Variants in KHDRBS2 observed in about 807,000 individuals in gnomAD.
KHDRBS2 encodes KH domain-containing, RNA-binding, signal transduction-associated protein 2.
KHDRBS2 carries 26 observed loss-of-function variants against 44.3 expected under a neutral mutation model. The observed-to-expected ratio is 0.59, with a 90% confidence interval of 0.43 to 0.81. The LOEUF is 0.81. KHDRBS2 is among the 40% of genes least tolerant of loss of function. KHDRBS2 has a pLI of 0.00. For missense variants in KHDRBS2, 476 were observed against 433.1 expected (o/e 1.10, Z -0.88); for synonymous variants, 194 against 151.1 (o/e 1.28, Z -2.08).
the KHDRBS2 span, among the ~76,000 whole-genome samples, chr6:61,550,317 G>A: frequency 6.6e-6 from 1 of 152,076 alleles, no homozygotes; most frequent in Non-Finnish European, 1.5e-5. Context: ...CTGTTCCTGT[G>A]TTCACTTAGG....
At chr6:62,179,660 T>A (rs890240279) in intron 1 of KHDRBS2, among the ~76,000 whole-genome samples, 2 of 151,786 alleles carry the variant, frequency 1.3e-5, no homozygotes, top group African/African-American at 4.8e-5. Context: ...TTCTCCCTTG[T>A]TACTTTTTCA....
At chr6:61,597,773 T>TATATATATATATATATACATATACAC in the KHDRBS2 span, among the ~76,000 whole-genome samples, 1 of 42,330 alleles carries the variant, frequency 2.4e-5, no homozygotes, top group Non-Finnish European at 4.8e-5. Flanking sequence ...TATATATATA[T>TATATATATATATATATACATATACAC]ACACCAAGAT....
intron 7 of KHDRBS2, among the ~76,000 whole-genome samples, chr6:61,713,556 A>G (rs1770875287): frequency 6.7e-6 from 1 of 149,500 alleles, no homozygotes; most frequent in Non-Finnish European, 1.5e-5. Flanking sequence ...GTACAATTTG[A>G]AGTCAGGTGA....
At chr6:61,705,347 C>G (rs1279461911) in intron 7 of KHDRBS2, among the ~76,000 whole-genome samples, 1 of 151,716 alleles carries the variant, frequency 6.6e-6, no homozygotes, top group Middle Eastern at 3.2e-3. Flanking sequence ...TACTTCTTCT[C>G]CCCTCCAAGA....
downstream of KHDRBS2, among the ~76,000 whole-genome samples, chr6:61,676,928 T>C (rs1765979217): frequency 6.6e-6 from 1 of 151,914 alleles, no homozygotes. Context: ...AAGTCTTTTA[T>C]ATCTACTGTT....
intron 6 of KHDRBS2, among the ~76,000 whole-genome samples, chr6:61,775,720 A>T (rs1249530695): frequency 2.0e-5 from 3 of 152,332 alleles, no homozygotes; most frequent in Admixed American, 1.3e-4. Context: ...ATACTGCCCA[A>T]GGTAATTTAC....
At chr6:62,219,789 T>A (rs1830581004) in intron 1 of KHDRBS2, among the ~76,000 whole-genome samples, 1 of 148,282 alleles carries the variant, frequency 6.7e-6, no homozygotes, top group Non-Finnish European at 1.5e-5. Flanking sequence ...TATATATTTT[T>A]ATTTACTATA....
At chr6:61,560,839 A>G in the KHDRBS2 span, among the ~76,000 whole-genome samples, 2 of 152,148 alleles carry the variant, frequency 1.3e-5, no homozygotes, top group Non-Finnish European at 2.9e-5. Context: ...TCATTTGCTG[A>G]GAACATGTTT....
At chr6:61,764,207 C>T (rs757482396) in intron 6 of KHDRBS2, among the ~76,000 whole-genome samples, 6 of 152,074 alleles carry the variant, frequency 3.9e-5, no homozygotes. Flanking sequence ...GTATATGTAC[C>T]ATGTTTTCTT....
intron 4 of KHDRBS2, among the ~76,000 whole-genome samples, chr6:61,948,257 C>G (rs1370168335): frequency 6.6e-6 from 1 of 151,946 alleles, no homozygotes; most frequent in African/African-American, 2.4e-5. Flanking sequence ...AAGTAAGTGG[C>G]TTTTTAGTCT....
At chr6:61,632,860 C>T in the KHDRBS2 span, among the ~76,000 whole-genome samples, 3 of 152,086 alleles carry the variant, frequency 2.0e-5, no homozygotes, top group Non-Finnish European at 1.5e-5. Flanking sequence ...TGTGCAATTA[C>T]ACAAATATAA....
In KHDRBS2 at chr6:62,045,444, T is replaced by C. The variant is rs187955929; in HGVS notation, c.336+2434A>G. ...ACTTGATCACTGTATCAAAATTTGC[T>C]CCCAACACCACTAACCTCTTTTCCC... is the stretch of plus-strand genomic sequence containing the variant. On this transcript the variant is annotated intron_variant, in intron 3 of 8. Transcript: ENST00000281156. 3.3e-3 allele frequency among the ~76,000 whole-genome samples: 498 copies of C among 152,090 alleles called. 3 individuals carry two copies. The highest frequency in any genetic ancestry group is 4.9e-3 in the Non-Finnish European group (335 of 67,962).
the KHDRBS2 span, among the ~76,000 whole-genome samples, chr6:61,660,871 A>G: frequency 6.6e-6 from 1 of 151,976 alleles, no homozygotes; most frequent in South Asian, 2.1e-4. Flanking sequence ...GGTGGATGAC[A>G]TTTCTTCTCC....
the KHDRBS2 span, among the ~76,000 whole-genome samples, chr6:61,591,436 T>A: frequency 6.6e-6 from 1 of 152,050 alleles, no homozygotes; most frequent in Non-Finnish European, 1.5e-5. Flanking sequence ...AGTAAAACAA[T>A]AGGAAAACAA....
intron 3 of KHDRBS2, among the ~76,000 whole-genome samples, chr6:62,017,813 C>A (rs1405792140): frequency 1.3e-5 from 2 of 152,058 alleles, no homozygotes; most frequent in Non-Finnish European, 2.9e-5. Context: ...AAATAGCACA[C>A]ACATCCCAAG....
chr6:62,154,213 T>A lies in KHDRBS2; in HGVS notation c.219+22972A>T, dbSNP rs553957530. On this transcript the variant is annotated intron_variant, in intron 2 of 8. Transcript: ENST00000281156. ...AGGAAAGGTGGGCATAGCAGTGAAATAACATGACCAGGCTCCAGGGACACA... is the reference window on the plus strand; with the variant it reads ...AGGAAAGGTGGGCATAGCAGTGAAAAAACATGACCAGGCTCCAGGGACACA... Among the ~76,000 whole-genome samples the A allele has an allele frequency of 5.9e-5, 9 of 152,192 alleles. No homozygotes were observed. In the East Asian group the frequency reaches 1.7e-3, roughly 29 times the overall value.
chr6:61,693,638 T>G (rs1582195198), intron 8 of KHDRBS2, among the ~76,000 whole-genome samples: 1 of 152,196 alleles, frequency 6.6e-6, no homozygotes, highest in Non-Finnish European at 1.5e-5. Flanking sequence ...ACATTTTCCT[T>G]ATTACTTTAT....
chr6:61,701,705 A>C (rs1477242050), intron 7 of KHDRBS2, among the ~76,000 whole-genome samples: 1 of 151,930 alleles, frequency 6.6e-6, no homozygotes, highest in East Asian at 1.9e-4. Context: ...AAACAAAACA[A>C]AACAAAACAT....
In KHDRBS2 at chr6:62,103,443, C is replaced by T. The variant is rs75158743; in HGVS notation, c.220-55449G>A. Among the ~76,000 whole-genome samples, 582 of 152,326 alleles carry T rather than the reference C, an allele frequency of 3.8e-3. 2 individuals are homozygous for T. Among genetic ancestry groups the T allele is most frequent in the African/African-American group, 0.014 (564 of 41,578 alleles). The stretch of plus-strand genomic sequence containing the variant: ...TGGCTGGGCTGCCACAGTGCCTGGG[C>T]TTGGTCACAATGTTGTTCTGCATGG... On this transcript the variant is annotated intron_variant, in intron 2 of 8. Transcript: ENST00000281156.
Sources: allele counts gnomAD v4.1 joint callset (sites outside exome capture counted in the v4.1 genomes callset), GRCh38; gene constraint gnomAD v4.1.1; transcripts MANE v1.5; gene names NCBI Gene and HGNC (gene_info 2026-07-23, HGNC 2026-07-21).